The following TMEM154 variants were observed in gnomAD, a reference collection of about 807,000 sequenced individuals.
The protein encoded by TMEM154 is transmembrane protein 154.
Under a neutral mutation model 24.5 loss-of-function variants are expected in TMEM154, and 27 were observed. The observed-to-expected ratio is 1.10, with a 90% CI of 0.81 to 1.52. The LOEUF is 1.52. Ranked by LOEUF, TMEM154 falls within the 40% of genes most tolerant of loss-of-function variation. TMEM154 has a pLI of 0.00. For missense variants in TMEM154, 228 were observed against 213.4 expected (o/e 1.07, Z -0.43); for synonymous variants, 67 against 76.8 (o/e 0.87, Z 0.67).
chr4:152,622,300 G>T lies in TMEM154; in HGVS notation c.*6246C>A, dbSNP rs961048873. Reference sequence around the variant, plus strand: ...TACAAAGCAGGCCCCTTTTTGAATTGGTATTGTTTCGTTTATTTAAAGAAT... The same window carrying T: ...TACAAAGCAGGCCCCTTTTTGAATTTGTATTGTTTCGTTTATTTAAAGAAT... On this transcript the variant is annotated 3_prime_UTR_variant, in exon 7 of 7. Transcript: ENST00000304385. 3 of 151,984 alleles carry T rather than the reference G, an allele frequency of 2.0e-5. No homozygotes were observed. The highest frequency in any genetic ancestry group is 7.3e-5 in the African/African-American group (3 of 41,374). The allele number at this position is 151,984 out of a possible 1,614,324, so 9.4% of individuals were successfully genotyped here.
At chr4:152,671,128 G>C (rs1283567531) in intron 1 of TMEM154, among the ~76,000 whole-genome samples, 1 of 152,008 alleles carries the variant, frequency 6.6e-6, no homozygotes, top group African/African-American at 2.4e-5. Flanking sequence ...AGAGGGAAGA[G>C]AAAGGCATTA....
At chr4:152,628,688 G>GTTGTCCTGAGTCTGAAT in intron 6 of TMEM154, 127 bp from the exon 7 acceptor site, 1 of 1,204,516 alleles carries the variant, frequency 8.3e-7, no homozygotes, top group Non-Finnish European at 1.1e-6. Flanking sequence ...CCAGGCTGGA[G>GTTGTCCTGAGTCTGAAT]CGCAGTGGCA....
At chr4:152,678,384 G>A (rs1728988926) in intron 1 of TMEM154, among the ~76,000 whole-genome samples, 1 of 152,138 alleles carries the variant, frequency 6.6e-6, no homozygotes, top group South Asian at 2.1e-4. Flanking sequence ...AGATGAATTA[G>A]TATTAAGGGA....
rs1488346796 is a variant in TMEM154, at chr4:152,626,859, C to T, written c.*1687G>A. Reference sequence around the variant, plus strand: ...AATAGACAAGTTATGATTCAGAAAACAATTGTATGCAATTTTGGCATAAAT... The same window carrying T: ...AATAGACAAGTTATGATTCAGAAAATAATTGTATGCAATTTTGGCATAAAT... On this transcript the variant is annotated 3_prime_UTR_variant, in exon 7 of 7. Transcript: ENST00000304385. 6.6e-6 allele frequency: 1 copy of T among 152,112 alleles called. No individual in the cohort carries two copies. Among genetic ancestry groups the T allele is most frequent in the Non-Finnish European group, 1.5e-5 (1 of 68,018 alleles). 9.4% of individuals were successfully genotyped at this position (152,112 alleles called of 1,614,324 possible). A position where few individuals can be genotyped will look rare whatever the true frequency, so the allele number is the denominator to read the frequency against.
At chr4:152,630,645 A>G (rs539074448) in intron 6 of TMEM154, among the ~76,000 whole-genome samples, 5 of 152,338 alleles carry the variant, frequency 3.3e-5, no homozygotes, top group Non-Finnish European at 7.3e-5. Context: ...TTTGTCCACA[A>G]CATTAATCTT....
intron 1 of TMEM154, among the ~76,000 whole-genome samples, chr4:152,654,538 T>G (rs939880316): frequency 6.6e-6 from 1 of 152,228 alleles, no homozygotes; most frequent in Non-Finnish European, 1.5e-5. Flanking sequence ...ATTGAAGCCC[T>G]AATCCTCAAT....
rs988964817 is a variant in TMEM154, at chr4:152,622,379, T to C, written c.*6167A>G. ...ATTATGAATTATGAATTCTTTTTCA[T>C]AGACACAGAAATTAAAAGAACTTTT... On this transcript the variant is annotated 3_prime_UTR_variant, in exon 7 of 7. Coordinates refer to ENST00000304385, the MANE Select transcript of TMEM154 (RefSeq NM_152680.3). 6.6e-5 allele frequency: 10 copies of C among 152,174 alleles called. No homozygotes were observed. The highest frequency in any genetic ancestry group is 2.4e-4 in the African/African-American group (10 of 41,450). 9.4% of individuals were successfully genotyped at this position (152,174 alleles called of 1,614,324 possible). A position where few individuals can be genotyped will look rare whatever the true frequency, so the allele number is the denominator to read the frequency against.
At chr4:152,646,614 A>C in intron 3 of TMEM154, 1 of 254,218 alleles carries the variant, frequency 3.9e-6, no homozygotes, top group Non-Finnish European at 7.6e-6. Context: ...TCAAACCCCT[A>C]TTCCATTTTC....
intron 1 of TMEM154, among the ~76,000 whole-genome samples, chr4:152,661,334 CT>C (rs1728605797): frequency 8.8e-5 from 12 of 135,770 alleles, no homozygotes; most frequent in South Asian, 2.3e-4. Context: ...CTCTCTCTCT[CT>C]CTCTCTCCCC....
intron 6 of TMEM154, among the ~76,000 whole-genome samples, chr4:152,629,819 C>T (rs958149778): frequency 6.6e-6 from 1 of 152,062 alleles, no homozygotes; most frequent in Non-Finnish European, 1.5e-5. Context: ...GATAGATAGA[C>T]AGACAGATAG....
In TMEM154 at chr4:152,625,303, C is replaced by T. The variant is rs186170649; in HGVS notation, c.*3243G>A. The T allele has an allele frequency of 1.3e-5, 2 of 156,738 alleles. No individual in the cohort carries two copies. The highest frequency in any genetic ancestry group is 1.3e-4 in the Admixed American group (2 of 15,806). The allele number at this position is 156,738 out of a possible 1,614,324, so 9.7% of individuals were successfully genotyped here. On this transcript the variant is annotated 3_prime_UTR_variant, in exon 7 of 7. Transcript: ENST00000304385. ...GGAATACTAAAAATGAGACTTGGAACTTGGAAGGCCTACACCACGAGGGCC... is the reference window on the plus strand; with the variant it reads ...GGAATACTAAAAATGAGACTTGGAATTTGGAAGGCCTACACCACGAGGGCC...
intron 1 of TMEM154, among the ~76,000 whole-genome samples, chr4:152,675,318 C>T (rs567504452): frequency 2.5e-4 from 38 of 152,076 alleles, no homozygotes; most frequent in African/African-American, 8.4e-4. Flanking sequence ...AAACCCAAAG[C>T]ACAATGTGTA....
intron 3 of TMEM154, 132 bp from the exon 4 acceptor site, chr4:152,644,574 A>G (rs1457817715): frequency 1.2e-6 from 1 of 854,318 alleles, no homozygotes; most frequent in African/African-American, 1.7e-5. Flanking sequence ...AGGAGCGATC[A>G]TTAACTTAGA....
chr4:152,636,116 C>T (rs1443027501), intron 6 of TMEM154, among the ~76,000 whole-genome samples: 1 of 152,128 alleles, frequency 6.6e-6, no homozygotes, highest in Non-Finnish European at 1.5e-5. Context: ...CTTGTTTGCA[C>T]CACTATCTAG....
intron 4 of TMEM154, 47 bp downstream of exon 4, chr4:152,644,368 T>C (rs780366317): frequency 6.2e-7 from 1 of 1,603,466 alleles, no homozygotes; most frequent in Admixed American, 1.7e-5. Flanking sequence ...ACCTTAACAG[T>C]TGCTGTTCAC....
chr4:152,664,701 GAAGT>G (rs1561056153), intron 1 of TMEM154, among the ~76,000 whole-genome samples: 1 of 152,220 alleles, frequency 6.6e-6, no homozygotes, highest in African/African-American at 2.4e-5. Context: ...AGGATGTCAT[GAAGT>G]ATGTTGGACC....
chr4:152,669,775 C>T (rs892316025), intron 1 of TMEM154: 8 of 152,208 alleles, frequency 5.3e-5, no homozygotes, highest in East Asian at 1.9e-4. Flanking sequence ...AAAATAACAA[C>T]GATGGTTTTA....
intron 6 of TMEM154, among the ~76,000 whole-genome samples, chr4:152,636,524 C>T (rs774272433): frequency 6.6e-6 from 1 of 152,220 alleles, no homozygotes; most frequent in Non-Finnish European, 1.5e-5. Context: ...TATTAAAATC[C>T]TGTGCTGTCT....
At chr4:152,629,979 G>C (rs907480246) in intron 6 of TMEM154, among the ~76,000 whole-genome samples, 2 of 152,132 alleles carry the variant, frequency 1.3e-5, no homozygotes, top group African/African-American at 4.8e-5. Flanking sequence ...TGGGAAAGGA[G>C]GAGGAGGACA....
Sources: allele counts gnomAD v4.1 joint callset (sites outside exome capture counted in the v4.1 genomes callset), GRCh38; gene constraint gnomAD v4.1.1; transcripts MANE v1.5; gene names NCBI Gene and HGNC (gene_info 2026-07-23, HGNC 2026-07-21).